BCKDHB: variants seen among roughly 807,000 people sequenced by gnomAD.
The protein encoded by BCKDHB is 2-oxoisovalerate dehydrogenase subunit beta, mitochondrial.
BCKDHB carries 41 observed loss-of-function variants against 48.5 expected under a neutral mutation model. The ratio of observed to expected loss-of-function variants is 0.85; its 90% CI spans 0.66 to 1.10. The LOEUF (loss-of-function observed/expected upper bound fraction) is 1.10, where lower values mean the gene tolerates loss of function less well. BCKDHB is among the 50% of genes least tolerant of loss of function. The pLI is 0.00. For missense variants in BCKDHB, 496 were observed against 494.2 expected (o/e 1.00, Z -0.03); for synonymous variants, 201 against 174.8 (o/e 1.15, Z -1.18).
chr6:80,392,767 G>A, the BCKDHB span, among the ~76,000 whole-genome samples: 1 of 151,134 alleles, frequency 6.6e-6, no homozygotes, highest in Non-Finnish European at 1.5e-5. Context: ...TCTAGTTAAA[G>A]TGACAGCCTA....
chr6:80,124,332 A>G (rs1011399844), intron 1 of BCKDHB, among the ~76,000 whole-genome samples: 54 of 152,190 alleles, frequency 3.5e-4, no homozygotes, highest in African/African-American at 1.3e-3. Flanking sequence ...CAATTTTAGA[A>G]TAAGTGTGAT....
intron 8 of BCKDHB, among the ~76,000 whole-genome samples, chr6:80,227,721 G>A (rs975846270): frequency 1.3e-5 from 2 of 152,186 alleles, no homozygotes; most frequent in Non-Finnish European, 2.9e-5. Context: ...AGGGAGTCCT[G>A]TGTTTATGAA....
chr6:80,396,531 GA>G, the BCKDHB span, among the ~76,000 whole-genome samples: 1,984 of 152,254 alleles, frequency 0.013, 42 homozygotes, highest in African/African-American at 0.045. Flanking sequence ...TGAGATTTGG[GA>G]GGGATTGGGG....
At chr6:80,306,923 A>G (rs1383990355) in intron 9 of BCKDHB, among the ~76,000 whole-genome samples, 1 of 152,184 alleles carries the variant, frequency 6.6e-6, no homozygotes, top group African/African-American at 2.4e-5. Context: ...AAAGAACAAT[A>G]CAGTCCTAGA....
chr6:80,159,330 A>G (rs892562820), intron 3 of BCKDHB, among the ~76,000 whole-genome samples: 2 of 152,170 alleles, frequency 1.3e-5, no homozygotes, highest in Non-Finnish European at 2.9e-5. Context: ...CTTCTCAACT[A>G]GTACAGAGAC....
In BCKDHB at chr6:80,168,884, G is replaced by T. The variant is rs1057516799; in HGVS notation, c.487G>T (p.Glu163Ter). Residue 163 changes from glutamate (E) to a stop codon, truncating the protein, a stop_gained, in exon 5 of 10, where the codon GAA becomes TAA. Coordinates refer to ENST00000320393, the MANE Select transcript of BCKDHB (RefSeq NM_183050.4). LOFTEE classifies it high-confidence loss of function. ...IFPAFDQIVN[E>*]AAKYRYRSGD... ...TCTTTCTGACCCTCAGATTGTTAATGAAGCTGCCAAGTATCGCTATCGCTC... is the reference window on the plus strand; with the variant it reads ...TCTTTCTGACCCTCAGATTGTTAATTAAGCTGCCAAGTATCGCTATCGCTC... 6.2e-7 allele frequency: 1 copy of T among 1,614,066 alleles called. No individual in the cohort carries two copies. Among genetic ancestry groups the T allele is most frequent in the Non-Finnish European group, 8.5e-7 (1 of 1,179,994 alleles).
At chr6:80,328,170 G>C (rs543375253) in intron 9 of BCKDHB, among the ~76,000 whole-genome samples, 1 of 152,256 alleles carries the variant, frequency 6.6e-6, no homozygotes, top group Middle Eastern at 3.4e-3. Flanking sequence ...GGGAAAACTA[G>C]ATTTTGCAGG....
chr6:80,231,572 G>A lies in BCKDHB; in HGVS notation c.951+28360G>A, dbSNP rs1195054797. 3.9e-5 allele frequency among the ~76,000 whole-genome samples: 6 copies of A among 152,194 alleles called. No homozygotes were observed. The South Asian group carries it at 8.3e-4, about 21-fold the overall frequency. ...CAATGACTGTAGGAAAAGATGCTCAGTATCATAGAAGCTGTAACCTTTTGT... is the reference window on the plus strand; with the variant it reads ...CAATGACTGTAGGAAAAGATGCTCAATATCATAGAAGCTGTAACCTTTTGT... On this transcript the variant is annotated intron_variant, in intron 8 of 9. Coordinates refer to ENST00000320393, the MANE Select transcript of BCKDHB (RefSeq NM_183050.4).
chr6:80,173,336 C>T (rs1773003686), intron 6 of BCKDHB, among the ~76,000 whole-genome samples: 1 of 151,972 alleles, frequency 6.6e-6, no homozygotes. Context: ...TTCTTGACTC[C>T]CAGGGGCTCA....
intron 8 of BCKDHB, among the ~76,000 whole-genome samples, chr6:80,256,336 G>T (rs1777049024): frequency 6.6e-6 from 1 of 152,094 alleles, no homozygotes; most frequent in South Asian, 2.1e-4. Context: ...TAGGCTATAT[G>T]GTATAGCCTA....
intron 6 of BCKDHB, among the ~76,000 whole-genome samples, chr6:80,198,574 A>G (rs1207978932): frequency 1.3e-5 from 2 of 152,214 alleles, no homozygotes; most frequent in Non-Finnish European, 2.9e-5. Flanking sequence ...TCACCCATAA[A>G]GCACCCATTA....
At chr6:80,361,842 T>A in the BCKDHB span, among the ~76,000 whole-genome samples, 1 of 152,306 alleles carries the variant, frequency 6.6e-6, no homozygotes, top group African/African-American at 2.4e-5. Flanking sequence ...GGACACATTT[T>A]GTGGCTTGAA....
chr6:80,173,242 G>A (rs562609064), intron 6 of BCKDHB, among the ~76,000 whole-genome samples: 2 of 152,118 alleles, frequency 1.3e-5, no homozygotes, highest in Non-Finnish European at 2.9e-5. Flanking sequence ...GAAAGACCCT[G>A]ATGAGGTTCA....
the BCKDHB span, among the ~76,000 whole-genome samples, chr6:80,406,214 C>G: frequency 1.3e-5 from 2 of 152,210 alleles, no homozygotes; most frequent in African/African-American, 4.8e-5. Context: ...TTTTCTTAAT[C>G]CAGTCTATCA....
At chr6:80,163,943 C>T (rs1329047889) in intron 3 of BCKDHB, among the ~76,000 whole-genome samples, 2 of 152,174 alleles carry the variant, frequency 1.3e-5, no homozygotes, top group African/African-American at 2.4e-5. Context: ...CACCATTTCT[C>T]CACCTTCTCT....
chr6:80,291,031 T>C (rs1766882291), intron 9 of BCKDHB, among the ~76,000 whole-genome samples: 1 of 152,230 alleles, frequency 6.6e-6, no homozygotes, highest in African/African-American at 2.4e-5. Context: ...CTGCAGCCTG[T>C]ATAATCAGCA....
At chr6:80,295,756 G>C (rs1034993124) in intron 9 of BCKDHB, among the ~76,000 whole-genome samples, 6 of 151,988 alleles carry the variant, frequency 3.9e-5, no homozygotes, top group Non-Finnish European at 8.8e-5. Context: ...TTGTTCAGGG[G>C]AACTCCTCTT....
At chr6:80,407,579 A>G in the BCKDHB span, among the ~76,000 whole-genome samples, 1 of 152,170 alleles carries the variant, frequency 6.6e-6, no homozygotes, top group African/African-American at 2.4e-5. Flanking sequence ...CAATTCTTGT[A>G]AGTTGGATTC....
At chr6:80,327,633 T>C (rs1220865388) in intron 9 of BCKDHB, among the ~76,000 whole-genome samples, 1 of 152,148 alleles carries the variant, frequency 6.6e-6, no homozygotes, top group Non-Finnish European at 1.5e-5. Flanking sequence ...AAATAGTGTT[T>C]TCTCTGCCCT....
Sources: allele counts gnomAD v4.1 joint callset (sites outside exome capture counted in the v4.1 genomes callset), GRCh38; gene constraint gnomAD v4.1.1; transcripts MANE v1.5; gene names NCBI Gene and HGNC (gene_info 2026-07-23, HGNC 2026-07-21).